Variants in SPATA31F3 observed in about 807,000 individuals in gnomAD.
SPATA31F3 encodes SPATA31 subfamily F member 3.
the SPATA31F3 span, chr9:34,892,964 A>C: frequency 1.4e-6 from 1 of 691,464 alleles, no homozygotes; most frequent in Non-Finnish European, 2.6e-6. Flanking sequence ...CTTAAAAGAC[A>C]CACTAGATGT....
the SPATA31F3 span, chr9:34,889,172 C>T: frequency 2.5e-6 from 1 of 398,612 alleles, no homozygotes; most frequent in Non-Finnish European, 4.4e-6. Context: ...GTTCAGGAAC[C>T]TATGAACTCC....
chr9:34,889,564 G>A, the SPATA31F3 span: 5 of 398,440 alleles, frequency 1.3e-5, no homozygotes, highest in African/African-American at 2.1e-5. Context: ...TCATGCCTTC[G>A]ATCTTTCATT....
the SPATA31F3 span, chr9:34,894,466 A>ACAACTTCTC: frequency 2.5e-6 from 1 of 398,542 alleles, no homozygotes; most frequent in African/African-American, 2.1e-5. Context: ...AGCAGCTTCC[A>ACAACTTCTC]CAACTTCTCG....
chr9:34,894,199 A>G, the SPATA31F3 span, among the ~76,000 whole-genome samples: 1 of 152,162 alleles, frequency 6.6e-6, no homozygotes, highest in Admixed American at 6.5e-5. Flanking sequence ...ATACACTAGT[A>G]CAAGCCTGAA....
chr9:34,894,589 A>C, the SPATA31F3 span: 1 of 398,238 alleles, frequency 2.5e-6, no homozygotes. Context: ...TTTAATGAGA[A>C]GATACTGAAA....
At chr9:34,889,592 C>T in the SPATA31F3 span, 4 of 398,460 alleles carry the variant, frequency 1.0e-5, no homozygotes, top group Non-Finnish European at 1.8e-5. Context: ...TAATCCAGTG[C>T]AGAAACAGCT....
chr9:34,894,547 T>C, the SPATA31F3 span: 7 of 398,394 alleles, frequency 1.8e-5, no homozygotes, highest in Non-Finnish European at 3.1e-5. Context: ...CTGGAGAGGA[T>C]TCAGGGACAT....
At chr9:34,893,560 C>T in the SPATA31F3 span, among the ~76,000 whole-genome samples, 4 of 151,170 alleles carry the variant, frequency 2.6e-5, no homozygotes, top group Admixed American at 2.0e-4. Context: ...GAGATTGTGC[C>T]GTTGTACTCC....
the SPATA31F3 span, among the ~76,000 whole-genome samples, chr9:34,890,216 C>G: frequency 1.3e-5 from 2 of 152,206 alleles, no homozygotes; most frequent in African/African-American, 2.4e-5. Context: ...GCCCCTGAAC[C>G]TTGGCAGAAA....
the SPATA31F3 span, chr9:34,893,007 A>G: frequency 8.5e-6 from 7 of 826,408 alleles, no homozygotes; most frequent in Non-Finnish European, 1.4e-5. Flanking sequence ...GAGCCCTGTG[A>G]TGGCCCCAGT....
At chr9:34,893,059 C>T in the SPATA31F3 span, 2 of 960,374 alleles carry the variant, frequency 2.1e-6, no homozygotes, top group South Asian at 1.6e-5. Flanking sequence ...CCAGCAATTG[C>T]TTAATCTCCA....
chr9:34,889,220 C>T, the SPATA31F3 span: 1 of 398,618 alleles, frequency 2.5e-6, no homozygotes, highest in Non-Finnish European at 4.4e-6. Flanking sequence ...AAAACAGTGC[C>T]TTCTGCTGAG....
At chr9:34,891,969 G>A in the SPATA31F3 span, among the ~76,000 whole-genome samples, 2 of 152,278 alleles carry the variant, frequency 1.3e-5, no homozygotes, top group South Asian at 2.1e-4. Context: ...TGGGGAAGGA[G>A]GGGAGATTTT....
chr9:34,889,660 T>A, the SPATA31F3 span: 1 of 398,398 alleles, frequency 2.5e-6, no homozygotes, highest in Non-Finnish European at 4.4e-6. Flanking sequence ...CTCTTGTGAG[T>A]ATGGACTGCC....
chr9:34,893,937 A>G, the SPATA31F3 span, among the ~76,000 whole-genome samples: 9 of 152,148 alleles, frequency 5.9e-5, no homozygotes, highest in East Asian at 1.7e-3. Context: ...TGATATACTC[A>G]ATATCTTTTG....
chr9:34,889,924 C>T, the SPATA31F3 span, among the ~76,000 whole-genome samples: 206 of 152,250 alleles, frequency 1.4e-3, no homozygotes, highest in Middle Eastern at 3.4e-3. Flanking sequence ...TGAGGTTATT[C>T]GGCTTACTCT....
the SPATA31F3 span, chr9:34,894,388 A>G: frequency 5.0e-6 from 2 of 398,520 alleles, no homozygotes; most frequent in South Asian, 2.5e-4. Context: ...CAAGCTGAGA[A>G]ATGATCACAG....
At chr9:34,893,029 G>C in the SPATA31F3 span, 2 of 942,470 alleles carry the variant, frequency 2.1e-6, no homozygotes, top group African/African-American at 1.6e-5. Flanking sequence ...AAGTCAGGGA[G>C]ATCTGGTTGT....
chr9:34,895,444 C>G, the SPATA31F3 span: 2 of 397,134 alleles, frequency 5.0e-6, no homozygotes. Context: ...AATAATCACC[C>G]AAATTGGGAG....
Sources: gnomAD v4.1 joint callset for allele counts (sites outside exome capture counted in the v4.1 genomes callset) on GRCh38, gnomAD v4.1.1 for gene constraint, MANE v1.5 for transcripts, NCBI Gene and HGNC (gene_info 2026-07-23, HGNC 2026-07-21) for gene names.